Variants in CACNA1H observed in about 807,000 individuals in gnomAD.
CACNA1H encodes the protein voltage-dependent T-type calcium channel subunit alpha-1H.
A neutral mutation model predicts 192.5 loss-of-function variants in CACNA1H; 149 were observed. The observed-to-expected ratio is 0.77, with a 90% CI of 0.68 to 0.89. The LOEUF is 0.89. Ranked by LOEUF, CACNA1H falls within the 40% of genes least tolerant of loss-of-function variation. The pLI, the probability that CACNA1H is intolerant of heterozygous loss-of-function variation, is 0.00. For synonymous variants in CACNA1H, 2,202 were observed against 1,475.2 expected (o/e 1.49, Z -11.29); for missense variants, 4,257 against 3,423.5 (o/e 1.24, Z -6.08).
At position 1,213,875 on chromosome 16, in the gene CACNA1H, T is replaced by C; in HGVS notation, c.4873T>C (p.Phe1625Leu). Reference sequence around the variant, plus strand: ...CCACTATCTCGACCTCTTCATCACCTTCATCATCTGTGTCAACGTCATCAC... The same window carrying C: ...CCACTATCTCGACCTCTTCATCACCCTCATCATCTGTGTCAACGTCATCAC... ...TSHYLDLFIT[F>L]IICVNVITMS... The change falls in exon 27 of 35, where the codon TTC becomes CTC. Residue 1625 changes from phenylalanine to leucine, a missense_variant. Phe to Leu is a conservative substitution (Grantham distance 22). Transcript: ENST00000348261. 1 of 1,611,450 alleles carries C rather than the reference T, an allele frequency of 6.2e-7. No homozygotes were observed. The highest frequency in any genetic ancestry group is 8.5e-7 in the Non-Finnish European group (1 of 1,179,164).
intron 2 of CACNA1H, among the ~76,000 whole-genome samples, chr16:1,172,405 C>T (rs556194240): frequency 1.3e-5 from 2 of 152,282 alleles, no homozygotes; most frequent in East Asian, 1.9e-4. Context: ...AGGCGTCCTC[C>T]CCTCTTAGAC....
At position 1,220,643 on chromosome 16, in the gene CACNA1H, C is replaced by T. The variant is rs1313828009; in HGVS notation, c.6711C>T (p.Gly2237=). 3.1e-6 allele frequency: 5 copies of T among 1,602,966 alleles called. No individual in the cohort carries two copies. Among genetic ancestry groups the T allele is most frequent in the East Asian group, 4.5e-5 (2 of 44,560 alleles). ...GGGACTCCCTGGAGCCCACAGAGGG[C>T]TCAGGCGCCGGGGGGGACCCTGCAG... The part of the protein sequence containing the change: ...PHRDSLEPTE[G]SGAGGDPAAK... Residue 2237 remains glycine, a synonymous_variant, in exon 35 of 35, where the codon GGC becomes GGT. Transcript: ENST00000348261.
chr16:1,185,573 T>C (rs1454245573), intron 2 of CACNA1H, among the ~76,000 whole-genome samples: 1 of 67,846 alleles, frequency 1.5e-5, no homozygotes, highest in East Asian at 3.9e-4. Flanking sequence ...GGCACGGGGG[T>C]CCATGGCGGG....
intron 2 of CACNA1H, among the ~76,000 whole-genome samples, chr16:1,169,289 T>A (rs1964123162): frequency 6.6e-6 from 1 of 152,138 alleles, no homozygotes; most frequent in Non-Finnish European, 1.5e-5. Flanking sequence ...TGGCCGAATC[T>A]GCCCCAAACA....
At position 1,211,472 on chromosome 16, in the gene CACNA1H, C is replaced by T. The variant is rs1268437341; in HGVS notation, c.4351-9C>T. On this transcript the variant is annotated splice_polypyrimidine_tract_variant and intron_variant, in intron 22 of 34. Transcript: ENST00000348261. ...CAGGCCCTCCGCGGTGACCGTCGCA[C>T]CCCGTCAGCTCTTCAAAGGGAAGTT... 1.2e-6 allele frequency: 2 copies of T among 1,612,270 alleles called. No individual in the cohort carries two copies. The highest frequency in any genetic ancestry group is 1.6e-4 in the Middle Eastern group (1 of 6,084).
intron 2 of CACNA1H, chr16:1,159,625 A>G (rs997324367): frequency 6.6e-6 from 1 of 152,138 alleles, no homozygotes; most frequent in Non-Finnish European, 1.5e-5. Flanking sequence ...TGGCGTCACA[A>G]CTGCTCCTTA....
chr16:1,220,455 G>T lies in CACNA1H; in HGVS notation c.6523G>T (p.Ala2175Ser). 6.5e-7 allele frequency: 1 copy of T among 1,543,380 alleles called. No individual in the cohort carries two copies. Residue 2175 changes from alanine to serine, a missense_variant, in exon 35 of 35, where the codon GCC (alanine) becomes TCC (serine). Physicochemically the swap from Ala to Ser is moderately conservative, Grantham distance 99. Transcript: ENST00000348261. ...GGAGGCGAAGGCCTGGGGCCCTGAG[G>T]CCGAGCCCGCTCTGGGTGCGCGCAG... is the stretch of plus-strand genomic sequence containing the variant. ...PGEAKAWGPE[A>S]EPALGARRKK...
intron 12 of CACNA1H, 92 bp from the exon 13 acceptor site, chr16:1,206,909 T>TGCCTCCCCCCCCC: frequency 8.6e-6 from 1 of 116,612 alleles, no homozygotes; most frequent in South Asian, 1.3e-4. Flanking sequence ...GTCCTGCCCC[T>TGCCTCCCCCCCCC]CCCTCCTCCC....
intron 34 of CACNA1H, among the ~76,000 whole-genome samples, chr16:1,219,425 C>T (rs922969181): frequency 9.9e-5 from 15 of 151,752 alleles, no homozygotes; most frequent in Non-Finnish European, 1.5e-4. Context: ...TCTCAGGTCC[C>T]GTGGTGGGCA....
Position 1,220,666 on chromosome 16 carries a change from C to T in CACNA1H, c.6734C>T (p.Ala2245Val), listed in dbSNP as rs1970413668. The T allele has an allele frequency of 1.2e-6, 2 of 1,607,134 alleles. No homozygotes were observed. Among genetic ancestry groups the T allele is most frequent in the Non-Finnish European group, 1.7e-6 (2 of 1,177,130 alleles). The change falls in exon 35 of 35, where the codon GCA (alanine) becomes GTA (valine). Residue 2245 changes from alanine (A) to valine (V), a missense_variant. Physicochemically the swap from Ala to Val is moderately conservative, Grantham distance 64 (BLOSUM62 0). Coordinates refer to ENST00000348261, the MANE Select transcript of CACNA1H (RefSeq NM_021098.3). ...GGCTCAGGCGCCGGGGGGGACCCTG[C>T]AGCCAAGGGGGAGCGCTGGGGCCAG... is the stretch of plus-strand genomic sequence containing the variant. Reference protein sequence around the residue: ...TEGSGAGGDPAAKGERWGQAS... With the variant: ...TEGSGAGGDPVAKGERWGQAS...
Position 1,206,143 on chromosome 16 carries a change from T to C in CACNA1H, c.2643T>C (p.Ser881=). 1.3e-6 allele frequency: 2 copies of C among 1,586,738 alleles called. No individual in the cohort carries two copies. Among genetic ancestry groups the C allele is most frequent in the Non-Finnish European group, 1.7e-6 (2 of 1,168,900 alleles). The part of the protein sequence containing the change: ...EIVGQADGGL[S]VLRTFRLLRV... ...TGGGGCAGGCGGACGGTGGCTTGTC[T>C]GTGCTGCGCACCTTCCGGCTGCTGC... Residue 881 remains serine (S), a synonymous_variant, in exon 12 of 35, where the codon TCT becomes TCC. Coordinates refer to ENST00000348261, the MANE Select transcript of CACNA1H (RefSeq NM_021098.3).
chr16:1,208,667 G>A lies in CACNA1H; in HGVS notation c.3364-365G>A, dbSNP rs571380744. Among the ~76,000 whole-genome samples the A allele has an allele frequency of 6.6e-5, 10 of 152,308 alleles. No individual in the cohort carries two copies. The South Asian group carries it at 2.1e-3, about 32-fold the overall frequency. On this transcript the variant is annotated intron_variant, in intron 16 of 34. Transcript: ENST00000348261. ...AGTACCACCCACAACAGACACGGAG[G>A]ATGGGAGTGAGCCAGACGCCCTAGC...
At chr16:1,206,668 G>A in intron 12 of CACNA1H, 1 of 425,284 alleles carries the variant, frequency 2.4e-6, no homozygotes, top group South Asian at 3.1e-5. Flanking sequence ...TAGGCAGCCA[G>A]GCAGGCCGGG....
At chr16:1,212,413 AC>A in intron 25 of CACNA1H, 97 bp from the exon 26 acceptor site, 1 of 1,288,390 alleles carries the variant, frequency 7.8e-7, no homozygotes, top group Non-Finnish European at 1.1e-6. Context: ...AGGAGCCAGC[AC>A]AGCCCCCGAG....
intron 2 of CACNA1H, among the ~76,000 whole-genome samples, chr16:1,186,949 G>T (rs1171650284): frequency 6.6e-6 from 1 of 152,154 alleles, no homozygotes; most frequent in African/African-American, 2.4e-5. Flanking sequence ...GGTTCCCGGG[G>T]ATCTCCTGTA....
At chr16:1,198,495 A>G in intron 5 of CACNA1H, 120 bp from the exon 6 acceptor site, 1 of 1,050,538 alleles carries the variant, frequency 9.5e-7, no homozygotes, top group Admixed American at 1.9e-5. Context: ...GTCAGTGTGC[A>G]GTGGGCGTGG....
chr16:1,210,350 A>AAAC lies in CACNA1H; in HGVS notation c.3846-20_3846-19insAAC. Reference sequence around the variant, plus strand: ...TCCACGCCGCCCCGCCCCACCTCTCACCCGCCCCCGCCCACCCAGGTTCCG... The same window carrying AAAC: ...TCCACGCCGCCCCGCCCCACCTCTCAAACCCCGCCCCCGCCCACCCAGGTTCCG... On this transcript the variant is annotated intron_variant, in intron 18 of 34. Transcript: ENST00000348261. 2 of 313,944 alleles carry AAAC rather than the reference A, an allele frequency of 6.4e-6. No homozygotes were observed. The highest frequency in any genetic ancestry group is 9.3e-6 in the Non-Finnish European group (2 of 215,954). 19.4% of individuals were successfully genotyped at this position (313,944 alleles called of 1,614,324 possible).
rs977157885 is a variant in CACNA1H at position 1,207,773 on chromosome 16, G to A, written c.3067G>A (p.Asp1023Asn). 21 of 1,594,990 alleles carry A rather than the reference G, an allele frequency of 1.3e-5. No individual in the cohort carries two copies. The highest frequency in any genetic ancestry group is 1.6e-4 in the Middle Eastern group (1 of 6,068). ...CCTTGTGCTTTGTTGGGTTTAGGGCGATGCCAACAGATCCGACACGGACGA... is the reference window on the plus strand; with the variant it reads ...CCTTGTGCTTTGTTGGGTTTAGGGCAATGCCAACAGATCCGACACGGACGA... ...ILVEGFQAEGDANRSDTDEDK... is the reference protein window; with the variant it reads ...ILVEGFQAEGNANRSDTDEDK... The change falls in exon 15 of 35, where the codon GAT (aspartate) becomes AAT (asparagine). Residue 1023 changes from aspartate (D) to asparagine (N), a missense_variant. Transcript: ENST00000348261.
chr16:1,196,088 C>A, intron 5 of CACNA1H, 65 bp downstream of exon 5: 1 of 1,306,756 alleles, frequency 7.7e-7, no homozygotes, highest in Non-Finnish European at 1.1e-6. Context: ...CCCTGCAGAG[C>A]TCTCAAAAGG....
Sources: gnomAD v4.1 joint callset for allele counts (sites outside exome capture counted in the v4.1 genomes callset) on GRCh38, gnomAD v4.1.1 for gene constraint, MANE v1.5 for transcripts, NCBI Gene and HGNC (gene_info 2026-07-23, HGNC 2026-07-21) for gene names.